NECTIN4: variants seen among roughly 807,000 people sequenced by gnomAD.
The protein encoded by NECTIN4 is nectin cell adhesion molecule 4.
A neutral mutation model predicts 51.7 loss-of-function variants in NECTIN4; 19 were observed. That is an observed-to-expected ratio of 0.37 (90% confidence interval 0.26 to 0.54). NECTIN4 has a LOEUF of 0.54. Among genes scored for constraint, NECTIN4 ranks in the 20% least tolerant of loss-of-function variants. NECTIN4 has a pLI of 0.86. For synonymous variants in NECTIN4, 283 were observed against 286.9 expected, an observed-to-expected ratio of 0.99 and a Z score of 0.14; for missense variants, 619 against 662.4, an observed-to-expected ratio of 0.93 and a Z score of 0.72.
intron 1 of NECTIN4, among the ~76,000 whole-genome samples, chr1:161,082,131 C>T (rs1653704850): frequency 6.6e-6 from 1 of 151,918 alleles, no homozygotes; most frequent in African/African-American, 2.4e-5. Context: ...GAGTTTGAGA[C>T]CAGCCTGGCC....
Position 161,079,710 on chromosome 1 carries a change from G to C in NECTIN4, c.319C>G (p.Pro107Ala). 1.2e-6 allele frequency: 2 copies of C among 1,609,016 alleles called. No homozygotes were observed. The highest frequency in any genetic ancestry group is 1.7e-6 in the Non-Finnish European group (2 of 1,179,776). Residue 107 changes from proline to alanine, a missense_variant, in exon 2 of 9, where the codon CCC (proline) becomes GCC (alanine). Physicochemically the swap from Pro to Ala is conservative, Grantham distance 27. This residue lies in a region of NECTIN4 where 218 missense variants were observed against 186.3 expected (regional missense o/e 1.17). Transcript: ENST00000368012. ...RVEQPPPPRN[P>A]LDGSVLLRNA... ...CGCAGGAGCACTGAGCCGTCCAGGG[G>C]GTTGCGTGGGGGCGGCGGCTGCTCC...
intron 1 of NECTIN4, chr1:161,087,232 G>A (rs1236383903): frequency 6.6e-6 from 1 of 152,116 alleles, no homozygotes; most frequent in Non-Finnish European, 1.5e-5. Context: ...TGATCCTCAG[G>A]CTAGGAGCCT....
Position 161,089,134 on chromosome 1 carries a change from G to T in NECTIN4, c.79+84C>A. On this transcript the variant is annotated intron_variant, in intron 1 of 8. Transcript: ENST00000368012. This position sits in a 1 kb window ranked among gnomAD's most constrained non-coding sequence, Gnocchi z 4.1. ...GAAAGGAGGATATGTGTGTGCGTGCGTGTGTGTCTATGTGTTTGTGCATGT... is the reference window on the plus strand; with the variant it reads ...GAAAGGAGGATATGTGTGTGCGTGCTTGTGTGTCTATGTGTTTGTGCATGT... 1.7e-6 allele frequency: 2 copies of T among 1,166,230 alleles called. No homozygotes were observed. Among genetic ancestry groups the T allele is most frequent in the Non-Finnish European group, 1.3e-6 (1 of 775,482 alleles). The allele number at this position is 1,166,230 out of a possible 1,614,324, so 72.2% of individuals were successfully genotyped here.
In NECTIN4 at chr1:161,072,138, C is replaced by G. The variant is rs1303963014; in HGVS notation, c.*523G>C. On this transcript the variant is annotated 3_prime_UTR_variant, in exon 9 of 9. Coordinates refer to ENST00000368012, the MANE Select transcript of NECTIN4 (RefSeq NM_030916.3). ...CACCGGAGGCAGATTCCAGCTCCAG[C>G]TATGCCCGCACACCTGGGTCTGAGC... The G allele has an allele frequency of 4.9e-6, 1 of 205,718 alleles. No homozygotes were observed. Among genetic ancestry groups the G allele is most frequent in the Admixed American group, 5.3e-5 (1 of 18,986 alleles). The allele number at this position is 205,718 out of a possible 1,614,324, so 12.7% of individuals were successfully genotyped here. A position where few individuals can be genotyped will look rare whatever the true frequency, so the allele number is the denominator to read the frequency against.
intron 1 of NECTIN4, among the ~76,000 whole-genome samples, chr1:161,081,701 A>T (rs1653684737): frequency 6.6e-6 from 1 of 151,976 alleles, no homozygotes; most frequent in Admixed American, 6.6e-5. Flanking sequence ...CTCTGCTCAC[A>T]CCGTACCCGC....
chr1:161,072,468 T>C lies in NECTIN4; in HGVS notation c.*193A>G, dbSNP rs914621192. 4 of 646,346 alleles carry C rather than the reference T, an allele frequency of 6.2e-6. No individual in the cohort carries two copies. In the Admixed American group the frequency reaches 6.6e-5, roughly 11 times the overall value. 40.0% of individuals were successfully genotyped at this position (646,346 alleles called of 1,614,324 possible). ...ACATGCACACACACAGTGACCTGCA[T>C]GCATGGTGGGAGAGACTCAATTGGT... On this transcript the variant is annotated 3_prime_UTR_variant, in exon 9 of 9. Coordinates refer to ENST00000368012, the MANE Select transcript of NECTIN4 (RefSeq NM_030916.3).
chr1:161,084,867 A>AG (rs1006325036), intron 1 of NECTIN4: 10 of 148,420 alleles, frequency 6.7e-5, no homozygotes, highest in Admixed American at 2.7e-4. Flanking sequence ...GCCTGGGGCT[A>AG]GGGGGAGGGG....
chr1:161,089,199 T>C lies in NECTIN4; in HGVS notation c.79+19A>G. 6.2e-7 allele frequency: 1 copy of C among 1,612,616 alleles called. No homozygotes were observed. Among genetic ancestry groups the C allele is most frequent in the Non-Finnish European group, 8.5e-7 (1 of 1,179,422 alleles). ...TTGGGCTCAGAAGCAAGTGTCCTGA[T>C]GGTTCAGGCAAGTCCTACCTGTAAA... On this transcript the variant is annotated intron_variant, in intron 1 of 8. Coordinates refer to ENST00000368012, the MANE Select transcript of NECTIN4 (RefSeq NM_030916.3). The surrounding 1 kb of genome is among the most constrained non-coding windows in gnomAD (Gnocchi z 4.1).
chr1:161,075,607 C>G (rs1557944833), intron 4 of NECTIN4, among the ~76,000 whole-genome samples: 2 of 151,942 alleles, frequency 1.3e-5, no homozygotes, highest in Non-Finnish European at 2.9e-5. Flanking sequence ...CCCATCTCTA[C>G]TAAAAATACA....
In NECTIN4 at chr1:161,072,356, G is replaced by C; in HGVS notation, c.*305C>G. ...CAGTTCACTTGACTCTGATATGACA[G>C]CATAATACACACCACGGACACAGTC... On this transcript the variant is annotated 3_prime_UTR_variant, in exon 9 of 9. Transcript: ENST00000368012. 4.1e-6 allele frequency: 2 copies of C among 486,338 alleles called. No homozygotes were observed. The highest frequency in any genetic ancestry group is 4.0e-5 in the South Asian group (2 of 49,496). The allele number at this position is 486,338 out of a possible 1,614,324, so 30.1% of individuals were successfully genotyped here.
rs536778942 is a variant in NECTIN4 at position 161,089,008 on chromosome 1, G to A, written c.79+210C>T. Among the ~76,000 whole-genome samples, 1 of 152,226 alleles carries A rather than the reference G, an allele frequency of 6.6e-6. No homozygotes were observed. Among genetic ancestry groups the A allele is most frequent in the South Asian group, 2.1e-4 (1 of 4,820 alleles). On this transcript the variant is annotated intron_variant, in intron 1 of 8. Coordinates refer to ENST00000368012, the MANE Select transcript of NECTIN4 (RefSeq NM_030916.3). The surrounding 1 kb of genome is among the most constrained non-coding windows in gnomAD (Gnocchi z 4.1). ...CCCAGACATAGTGACCTGGCCTGGG[G>A]GCTGGGAGGAAACAAGAAGGGGGAG...
In NECTIN4 at chr1:161,071,607, T is replaced by A. The variant is rs1378133767; in HGVS notation, c.*1054A>T. On this transcript the variant is annotated 3_prime_UTR_variant, in exon 9 of 9. Coordinates refer to ENST00000368012, the MANE Select transcript of NECTIN4 (RefSeq NM_030916.3). ...GCCTTGGAAGTAGCCCCTTTCACAA[T>A]CACAGGAATTAACCCCCTGGTGTTG... 4 of 152,224 alleles carry A rather than the reference T, an allele frequency of 2.6e-5. No homozygotes were observed. Among genetic ancestry groups the A allele is most frequent in the Non-Finnish European group, 4.4e-5 (3 of 68,004 alleles). 9.4% of individuals were successfully genotyped at this position (152,224 alleles called of 1,614,324 possible). A position where few individuals can be genotyped will look rare whatever the true frequency, so the allele number is the denominator to read the frequency against.
At chr1:161,083,947 A>C (rs576613584) in intron 1 of NECTIN4, among the ~76,000 whole-genome samples, 4 of 152,370 alleles carry the variant, frequency 2.6e-5, no homozygotes, top group Admixed American at 1.3e-4. Flanking sequence ...GCTGACACCC[A>C]GCCATCAAGA....
In NECTIN4 at chr1:161,074,248, G is replaced by A. The variant is rs773060708; in HGVS notation, c.1126C>T (p.Arg376Trp). The A allele has an allele frequency of 4.6e-5, 74 of 1,614,060 alleles. No homozygotes were observed. The highest frequency in any genetic ancestry group is 5.6e-5 in the Non-Finnish European group (66 of 1,180,000). ...TGGGTCATCTGCTGGGCCTTGCGCC[G>A]ATGGTATCGGGACATGAGCACCACC... The part of the protein sequence containing the change: ...VVVVLMSRYH[R>W]RKAQQMTQKY... Residue 376 changes from arginine (R) to tryptophan (W), a missense_variant, in exon 6 of 9, where the codon CGG becomes TGG. By Grantham distance (101) the Arg-to-Trp change is moderately radical. Coordinates refer to ENST00000368012, the MANE Select transcript of NECTIN4 (RefSeq NM_030916.3).
intron 4 of NECTIN4, among the ~76,000 whole-genome samples, chr1:161,075,871 A>G (rs144599267): frequency 0.015 from 2,320 of 152,122 alleles, 51 homozygotes; most frequent in African/African-American, 0.051. Context: ...AGGTCTAGAG[A>G]TCGAGACCAG....
At position 161,072,870 on chromosome 1, in the gene NECTIN4, C is replaced by T. The variant is rs1394597277; in HGVS notation, c.1324G>A (p.Gly442Ser). The T allele has an allele frequency of 6.2e-7, 1 of 1,613,284 alleles. No homozygotes were observed. Among genetic ancestry groups the T allele is most frequent in the Admixed American group, 1.7e-5 (1 of 59,920 alleles). ...SCSVMSEEPE[G>S]RSYSTLTTVR... ...GTGGTCAGCGTGGAGTAACTGCGGC[C>T]CTCGGGCTCTTCACTCTGGAGACCA... The change falls in exon 9 of 9, where the codon GGC becomes AGC. Residue 442 changes from glycine to serine, a missense_variant. This residue lies in a region of NECTIN4 where 364 missense variants were observed against 415.7 expected (regional missense o/e 0.88). Coordinates refer to ENST00000368012, the MANE Select transcript of NECTIN4 (RefSeq NM_030916.3).
chr1:161,087,332 G>C (rs1263163178), intron 1 of NECTIN4: 1 of 152,106 alleles, frequency 6.6e-6, no homozygotes, highest in Non-Finnish European at 1.5e-5. Context: ...GCTTCCTGGG[G>C]CAATCTGGAG....
rs1653330904 is a variant in NECTIN4, at chr1:161,074,669, G to C, written c.942C>G (p.Val314=). The C allele has an allele frequency of 3.1e-6, 5 of 1,614,222 alleles. No homozygotes were observed. The East Asian group carries it at 1.1e-4, about 36-fold the overall frequency. The change falls in exon 5 of 9, where the codon GTC becomes GTG. Residue 314 remains valine (V), a synonymous_variant. Transcript: ENST00000368012. The stretch of plus-strand genomic sequence containing the variant: ...AGGAGAACTCATTGCTGACATGGCA[G>C]ACGTAGATGCCGCTGTGCTCAGTGG... ...PLTTEHSGIY[V]CHVSNEFSSR...
chr1:161,082,794 G>A (rs1306055781), intron 1 of NECTIN4, among the ~76,000 whole-genome samples: 1 of 152,138 alleles, frequency 6.6e-6, no homozygotes, highest in East Asian at 1.9e-4. Context: ...CCAAGGAAGG[G>A]CTGTGAGTGA....
Sources: allele counts gnomAD v4.1 joint callset (sites outside exome capture counted in the v4.1 genomes callset), GRCh38; gene constraint gnomAD v4.1.1; regional missense constraint gnomAD v4.1.1; non-coding constraint Gnocchi (gnomAD v3.1); transcripts MANE v1.5; gene names NCBI Gene and HGNC (gene_info 2026-07-23, HGNC 2026-07-21).